Variants in ADAMDEC1 observed in about 807,000 individuals in gnomAD.
ADAMDEC1 encodes ADAM DEC1.
ADAMDEC1 carries 62 observed loss-of-function variants against 60.4 expected under a neutral mutation model. That is an observed-to-expected ratio of 1.03 (90% CI 0.84 to 1.27). The LOEUF (loss-of-function observed/expected upper bound fraction) is 1.27, where lower values mean the gene tolerates loss of function less well. Among genes scored for constraint, ADAMDEC1 ranks in the 50% most tolerant of loss-of-function variants. The probability of loss-of-function intolerance (pLI) is 0.00; values close to 1 mark genes in which losing one functional copy is unlikely to be tolerated. For synonymous variants in ADAMDEC1, 210 were observed against 195.1 expected, an observed-to-expected ratio of 1.08 and a Z score of -0.64; for missense variants, 595 against 565.0, an observed-to-expected ratio of 1.05 and a Z score of -0.54.
intron 1 of ADAMDEC1, among the ~76,000 whole-genome samples, chr8:24,390,807 T>C (rs1274646607): frequency 1.3e-5 from 2 of 152,168 alleles, no homozygotes; most frequent in Non-Finnish European, 2.9e-5. Flanking sequence ...ATTTGTTTTT[T>C]ACTTTATATA....
intron 2 of ADAMDEC1, among the ~76,000 whole-genome samples, chr8:24,392,722 T>G (rs1817478160): frequency 6.6e-6 from 1 of 152,180 alleles, no homozygotes; most frequent in Non-Finnish European, 1.5e-5. Flanking sequence ...CAGTGAATTG[T>G]CTTTTTCCTC....
In ADAMDEC1 at chr8:24,393,343, G is replaced by A; in HGVS notation, c.284+5G>A. On this transcript the variant is annotated splice_donor_5th_base_variant and intron_variant, in intron 3 of 13. Coordinates refer to ENST00000256412, the MANE Select transcript of ADAMDEC1 (RefSeq NM_014479.3). ...TCTCTCCCTACAAAAAACCAAGTAAGTTGTACCTCCTAAAAGTCTAATCAC... is the reference window on the plus strand; with the variant it reads ...TCTCTCCCTACAAAAAACCAAGTAAATTGTACCTCCTAAAAGTCTAATCAC... 2 of 1,570,694 alleles carry A rather than the reference G, an allele frequency of 1.3e-6. No individual in the cohort carries two copies. Among genetic ancestry groups the A allele is most frequent in the Non-Finnish European group, 1.7e-6 (2 of 1,146,922 alleles).
intron 1 of ADAMDEC1, among the ~76,000 whole-genome samples, chr8:24,386,894 T>C (rs183750234): frequency 2.6e-5 from 4 of 152,314 alleles, no homozygotes; most frequent in East Asian, 1.9e-4. Context: ...CTGGCCCTAG[T>C]GGCCAGAGAG....
chr8:24,401,848 A>T lies in ADAMDEC1; in HGVS notation c.1143-67A>T. 3 of 1,259,792 alleles carry T rather than the reference A, an allele frequency of 2.4e-6. No homozygotes were observed. The highest frequency in any genetic ancestry group is 2.9e-5 in the South Asian group (2 of 68,616). The allele number at this position is 1,259,792 out of a possible 1,614,324, so 78.0% of individuals were successfully genotyped here. A position where few individuals can be genotyped will look rare whatever the true frequency, so the allele number is the denominator to read the frequency against. On this transcript the variant is annotated intron_variant, in intron 11 of 13. Transcript: ENST00000256412. ...CAGAGTCTCGTGTTTCTTTATCTTT[A>T]TTCTGTGTTTCACGCAGAAGGCACC...
In ADAMDEC1 at chr8:24,399,405, C is replaced by T; in HGVS notation, c.942C>T (p.Phe314=). The T allele has an allele frequency of 6.2e-7, 1 of 1,613,852 alleles. No individual in the cohort carries two copies. The highest frequency in any genetic ancestry group is 8.5e-7 in the Non-Finnish European group (1 of 1,179,834). ...DHAQLLSGIS[F]NNRRVGLAAS... ...ACTTTTCATACAGCGGGATTAGCTT[C>T]AACAATCGACGTGTGGGACTGGCAG... Residue 314 remains phenylalanine (F), a synonymous_variant, in exon 10 of 14, where the codon TTC becomes TTT. Coordinates refer to ENST00000256412, the MANE Select transcript of ADAMDEC1 (RefSeq NM_014479.3).
intron 4 of ADAMDEC1, among the ~76,000 whole-genome samples, chr8:24,395,311 C>T (rs970168451): frequency 6.6e-6 from 1 of 152,172 alleles, no homozygotes; most frequent in Non-Finnish European, 1.5e-5. Flanking sequence ...ACAGTGAAGC[C>T]AAATTCTTGA....
At chr8:24,399,624 T>G (rs17799264) in intron 10 of ADAMDEC1, 150 bp downstream of exon 10, 1 of 701,524 alleles carries the variant, frequency 1.4e-6, no homozygotes, top group Non-Finnish European at 2.6e-6. Context: ...GCACTGAAGA[T>G]CCCTTGGGTT....
chr8:24,392,060 T>G (rs115638256), intron 1 of ADAMDEC1, among the ~76,000 whole-genome samples: 3,582 of 151,128 alleles, frequency 0.024, 137 homozygotes, highest in African/African-American at 0.083. Flanking sequence ...TTCAGAATAG[T>G]GGGAGGGAGA....
chr8:24,384,746 C>G (rs559752091), intron 1 of ADAMDEC1, among the ~76,000 whole-genome samples, 154 bp downstream of exon 1: 2 of 152,252 alleles, frequency 1.3e-5, no homozygotes, highest in South Asian at 4.1e-4. Flanking sequence ...CAAAAGCGAA[C>G]TATATATACA....
chr8:24,397,352 T>A lies in ADAMDEC1; in HGVS notation c.523T>A (p.Ser175Thr). 1 of 1,613,992 alleles carries A rather than the reference T, an allele frequency of 6.2e-7. No individual in the cohort carries two copies. The highest frequency in any genetic ancestry group is 1.1e-5 in the South Asian group (1 of 91,072). ...TDEKEHAVFT[S>T]NQEEQDPANH... ...CGAGAAAGAACATGCCGTCTTTACATCTAACCAGGAGGAACAAGACCCAGC... is the reference window on the plus strand; with the variant it reads ...CGAGAAAGAACATGCCGTCTTTACAACTAACCAGGAGGAACAAGACCCAGC... The change falls in exon 6 of 14, where the codon TCT (serine) becomes ACT (threonine). Residue 175 changes from serine to threonine, a missense_variant. Coordinates refer to ENST00000256412, the MANE Select transcript of ADAMDEC1 (RefSeq NM_014479.3).
intron 5 of ADAMDEC1, among the ~76,000 whole-genome samples, chr8:24,396,675 C>A (rs1007167690): frequency 5.3e-5 from 8 of 152,154 alleles, no homozygotes; most frequent in Non-Finnish European, 8.8e-5. Context: ...GTTCTTCCAA[C>A]ATGGCTGATA....
chr8:24,392,891 T>TTG (rs1367978057), intron 2 of ADAMDEC1, among the ~76,000 whole-genome samples: 1 of 139,792 alleles, frequency 7.2e-6, no homozygotes, highest in Non-Finnish European at 1.5e-5. Context: ...GAGAGGTTTT[T>TTG]TTTTTTTTTT....
chr8:24,397,083 G>A (rs1287222451), intron 5 of ADAMDEC1, among the ~76,000 whole-genome samples, 187 bp from the exon 6 acceptor site: 1 of 152,132 alleles, frequency 6.6e-6, no homozygotes, highest in African/African-American at 2.4e-5. Flanking sequence ...TGGTAAATAA[G>A]TTAGGCTTCA....
At chr8:24,398,739 T>C (rs906626940) in intron 8 of ADAMDEC1, 135 bp from the exon 9 acceptor site, 7 of 1,076,068 alleles carry the variant, frequency 6.5e-6, no homozygotes, top group Non-Finnish European at 8.0e-6. Flanking sequence ...AAGACAACTT[T>C]TAAAATTTTT....
chr8:24,399,335 A>C, intron 9 of ADAMDEC1, 58 bp from the exon 10 acceptor site: 2 of 1,530,432 alleles, frequency 1.3e-6, no homozygotes, highest in African/African-American at 1.4e-5. Flanking sequence ...TAATTAACAA[A>C]AGCTAATGGT....
chr8:24,386,069 A>G lies in ADAMDEC1; in HGVS notation c.88+1477A>G, dbSNP rs28428763. Among the ~76,000 whole-genome samples the G allele has an allele frequency of 4.6e-3, 701 of 152,260 alleles. 3 individuals are homozygous for G. Among genetic ancestry groups the G allele is most frequent in the African/African-American group, 0.016 (668 of 41,564 alleles). ...ATTGTTCTCACAATATTCTGCTGAA[A>G]AAGTCACTGAAATACTTCTGAATTT... On this transcript the variant is annotated intron_variant, in intron 1 of 13. Transcript: ENST00000256412.
chr8:24,393,320 T>C lies in ADAMDEC1; in HGVS notation c.266T>C (p.Leu89Pro). Reference protein sequence around the residue: ...QMILNGEEIILSLQKTKHLLG... With the variant: ...QMILNGEEIIPSLQKTKHLLG... Reference sequence around the variant, plus strand: ...ATCTTAAATGGAGAAGAAATCATTCTCTCCCTACAAAAAACCAAGTAAGTT... The same window carrying C: ...ATCTTAAATGGAGAAGAAATCATTCCCTCCCTACAAAAAACCAAGTAAGTT... The change falls in exon 3 of 14, where the codon CTC becomes CCC. Residue 89 changes from leucine (L) to proline (P), a missense_variant. Leu to Pro is a moderately conservative substitution (Grantham distance 98, BLOSUM62 -3). Coordinates refer to ENST00000256412, the MANE Select transcript of ADAMDEC1 (RefSeq NM_014479.3). 6.2e-7 allele frequency: 1 copy of C among 1,605,262 alleles called. No individual in the cohort carries two copies. Among genetic ancestry groups the C allele is most frequent in the East Asian group, 2.2e-5 (1 of 44,510 alleles).
At chr8:24,385,846 T>C (rs1817277039) in intron 1 of ADAMDEC1, among the ~76,000 whole-genome samples, 1 of 152,132 alleles carries the variant, frequency 6.6e-6, no homozygotes, top group Non-Finnish European at 1.5e-5. Flanking sequence ...AAAACATTAA[T>C]TGACCAACTG....
chr8:24,400,305 G>A lies in ADAMDEC1; in HGVS notation c.1142+5G>A. ...TGTGATGAATCAGTATCTGAGGTGA[G>A]ACCTTGTCATCCTAAAAGGAGAGAG... On this transcript the variant is annotated splice_donor_5th_base_variant and intron_variant, in intron 11 of 13. Transcript: ENST00000256412. 1.9e-6 allele frequency: 3 copies of A among 1,587,552 alleles called. No homozygotes were observed. The highest frequency in any genetic ancestry group is 2.4e-5 in the South Asian group (2 of 84,358).
Sources: gnomAD v4.1 joint callset for allele counts (sites outside exome capture counted in the v4.1 genomes callset) on GRCh38, gnomAD v4.1.1 for gene constraint, MANE v1.5 for transcripts, NCBI Gene and HGNC (gene_info 2026-07-23, HGNC 2026-07-21) for gene names.